Variants in WDR81 observed in about 807,000 individuals in gnomAD.
WDR81 encodes WD repeat-containing protein 81.
WDR81 carries 92 observed loss-of-function variants against 140.8 expected under a neutral mutation model. The observed-to-expected ratio is 0.65, with a 90% confidence interval of 0.55 to 0.78. The LOEUF is 0.78. WDR81 is among the 30% of genes least tolerant of loss of function. The probability of loss-of-function intolerance (pLI) is 0.00; values close to 1 mark genes in which losing one functional copy is unlikely to be tolerated. For missense variants in WDR81, 2,502 were observed against 2,636.4 expected (o/e 0.95, Z 1.12); for synonymous variants, 1,183 against 1,156.4 (o/e 1.02, Z -0.47).
At chr17:1,717,831 T>A (rs1192869540) in intron 1 of WDR81, among the ~76,000 whole-genome samples, 3 of 152,174 alleles carry the variant, frequency 2.0e-5, no homozygotes, top group Non-Finnish European at 4.4e-5. Flanking sequence ...TATTTCCTGT[T>A]AGCACAGTAA....
chr17:1,718,353 G>A (rs965461385), intron 1 of WDR81, among the ~76,000 whole-genome samples: 2 of 152,184 alleles, frequency 1.3e-5, no homozygotes, highest in Non-Finnish European at 2.9e-5. Context: ...CCTCACCTCA[G>A]GTGATCCACC....
intron 1 of WDR81, among the ~76,000 whole-genome samples, chr17:1,719,168 C>T (rs147221818): frequency 8.9e-4 from 136 of 152,286 alleles, no homozygotes; most frequent in Admixed American, 2.7e-3. Flanking sequence ...AACTTGTTAC[C>T]GATAATTTCC....
chr17:1,724,819 C>A lies in WDR81; in HGVS notation c.-141C>A. The A allele has an allele frequency of 1.7e-6, 2 of 1,203,408 alleles. No homozygotes were observed. The highest frequency in any genetic ancestry group is 8.3e-5 in the South Asian group (2 of 24,024). The allele number at this position is 1,203,408 out of a possible 1,614,324, so 74.5% of individuals were successfully genotyped here. ...CGCCCCCCGTCCGCCTCTTCGCCGC[C>A]GCCGGCTTCCTGCGGCCGCCTCCGC... On this transcript the variant is annotated 5_prime_UTR_variant, in exon 1 of 10. Transcript: ENST00000409644.
upstream of WDR81, among the ~76,000 whole-genome samples, chr17:1,722,672 GT>G (rs1208538689): frequency 2.1e-5 from 3 of 144,208 alleles, no homozygotes; most frequent in Non-Finnish European, 1.5e-5. Context: ...ATCAGGCCTA[GT>G]TTTCTTTTCT....
chr17:1,731,227 G>T lies in WDR81; in HGVS notation c.4126G>T (p.Val1376Leu). 3 of 1,613,578 alleles carry T rather than the reference G, an allele frequency of 1.9e-6. No homozygotes were observed. The highest frequency in any genetic ancestry group is 2.2e-5 in the East Asian group (1 of 44,884). ...GATCAGCCATGAGGTCCTGCTGCCC[G>T]TGCTCAGCTTCCTCACCTCCCTCGT... Reference protein sequence around the residue: ...PRISHEVLLPVLSFLTSLVTG... With the variant: ...PRISHEVLLPLLSFLTSLVTG... The change falls in exon 4 of 10, where the codon GTG becomes TTG. Residue 1376 changes from valine to leucine, a missense_variant. Coordinates refer to ENST00000409644, the MANE Select transcript of WDR81 (RefSeq NM_001163809.2).
chr17:1,736,656 T>TG (rs1458429076), intron 9 of WDR81, among the ~76,000 whole-genome samples: 5 of 152,176 alleles, frequency 3.3e-5, no homozygotes, highest in African/African-American at 4.8e-5. Context: ...CTGCCCTGGC[T>TG]GGGGGCAGGA....
upstream of WDR81, among the ~76,000 whole-genome samples, chr17:1,720,041 G>A (rs527851796): frequency 2.0e-4 from 30 of 151,502 alleles, no homozygotes; most frequent in Non-Finnish European, 1.0e-4. Context: ...AACACCTAGC[G>A]TAGATTTAAT....
upstream of WDR81, among the ~76,000 whole-genome samples, chr17:1,721,251 C>G (rs865896273): frequency 6.6e-6 from 1 of 151,956 alleles, no homozygotes; most frequent in East Asian, 1.9e-4. Context: ...CCCAGCTACT[C>G]GGGATGCTGA....
intron 5 of WDR81, 35 bp downstream of exon 5, chr17:1,732,525 C>T (rs769910198): frequency 1.3e-4 from 89 of 692,804 alleles, no homozygotes; most frequent in African/African-American, 1.2e-3. Context: ...CGGGCTGGGG[C>T]GGGGGCTGTG....
At chr17:1,719,329 C>CCT (rs1914742876) in intron 1 of WDR81, among the ~76,000 whole-genome samples, 1 of 151,904 alleles carries the variant, frequency 6.6e-6, no homozygotes. Flanking sequence ...AGGCGGATCA[C>CCT]GAGGTCAGGA....
chr17:1,727,292 T>C lies in WDR81; in HGVS notation c.2333T>C (p.Leu778Ser). 1 of 1,550,126 alleles carries C rather than the reference T, an allele frequency of 6.5e-7. No homozygotes were observed. Among genetic ancestry groups the C allele is most frequent in the Non-Finnish European group, 8.7e-7 (1 of 1,146,968 alleles). The change falls in exon 1 of 10, where the codon TTG (leucine) becomes TCG (serine). Residue 778 changes from leucine to serine, a missense_variant. By Grantham distance (145) the Leu-to-Ser change is moderately radical. Around this residue, in one of 3 missense-constraint regions of WDR81, gnomAD observed 1,737 missense variants for 1,843.0 expected, o/e 0.94. Coordinates refer to ENST00000409644, the MANE Select transcript of WDR81 (RefSeq NM_001163809.2). ...GACATGCAGGCGCTGGGTGTCCTATTGGCAGAGATGGTGTTTGCCACCAGG... is the reference window on the plus strand; with the variant it reads ...GACATGCAGGCGCTGGGTGTCCTATCGGCAGAGATGGTGTTTGCCACCAGG... ...HRDMQALGVL[L>S]AEMVFATRVR... is the part of the protein sequence containing the mutation.
chr17:1,726,074 G>A lies in WDR81; in HGVS notation c.1115G>A (p.Arg372Gln), dbSNP rs773768162. 8.4e-6 allele frequency: 13 copies of A among 1,547,628 alleles called. No homozygotes were observed. The highest frequency in any genetic ancestry group is 2.6e-6 in the Non-Finnish European group (3 of 1,145,086). The change falls in exon 1 of 10, where the codon CGG becomes CAG. Residue 372 changes from arginine (R) to glutamine (Q), a missense_variant. By Grantham distance (43) the Arg-to-Gln change is conservative. Transcript: ENST00000409644. Reference sequence around the variant, plus strand: ...ATGCAGCTGAATCGGTTGGCAGGTCGGCGGCAGGGGGACCCCAACTACCAC... The same window carrying A: ...ATGCAGCTGAATCGGTTGGCAGGTCAGCGGCAGGGGGACCCCAACTACCAC... ...YLMQLNRLAGRRQGDPNYHPV... is the reference protein window; with the variant it reads ...YLMQLNRLAGQRQGDPNYHPV...
intron 5 of WDR81, 78 bp from the exon 6 acceptor site, chr17:1,732,588 G>A: frequency 8.9e-6 from 14 of 1,571,066 alleles, no homozygotes; most frequent in Middle Eastern, 2.3e-4. Flanking sequence ...GCTGGACTCC[G>A]CGGGCCGTGG....
chr17:1,737,287 G>A (rs1001961306), intron 9 of WDR81, 78 bp from the exon 10 acceptor site: 4 of 1,410,868 alleles, frequency 2.8e-6, no homozygotes, highest in Non-Finnish European at 3.8e-6. Context: ...AACTGCGGAG[G>A]GAACTGGGAA....
chr17:1,734,562 C>T (rs571646165), intron 7 of WDR81, among the ~76,000 whole-genome samples: 189 of 151,648 alleles, frequency 1.2e-3, no homozygotes, highest in Non-Finnish European at 2.1e-3. Context: ...GGGTGGATCA[C>T]GAGGTCAGGA....
chr17:1,720,499 G>A (rs1914805329), upstream of WDR81, among the ~76,000 whole-genome samples: 1 of 152,140 alleles, frequency 6.6e-6, no homozygotes, highest in African/African-American at 2.4e-5. Context: ...CTAAAGGGCC[G>A]GGCATGGTGG....
Position 1,727,044 on chromosome 17 carries a change from C to T in WDR81, c.2085C>T (p.Ala695=), listed in dbSNP as rs1915327621. The T allele has an allele frequency of 6.5e-7, 1 of 1,550,264 alleles. No homozygotes were observed. The change falls in exon 1 of 10, where the codon GCC becomes GCT. Residue 695 remains alanine, a synonymous_variant. Coordinates refer to ENST00000409644, the MANE Select transcript of WDR81 (RefSeq NM_001163809.2). ...ASPGLLSFSV[A]SASRPGRRNK... is the part of the protein sequence containing the mutation. The stretch of plus-strand genomic sequence containing the variant: ...CTGGACTTCTCTCTTTCTCAGTGGC[C>T]TCAGCCTCCCGTCCAGGCCGCAGGA...
intron 4 of WDR81, among the ~76,000 whole-genome samples, chr17:1,731,814 G>A (rs910344387): frequency 6.6e-6 from 1 of 151,248 alleles, no homozygotes; most frequent in African/African-American, 2.4e-5. Context: ...GCAATCCCAG[G>A]TTCTCAGGAG....
In WDR81 at chr17:1,725,105, CG is replaced by C; in HGVS notation, c.152del (p.Gly51AlafsTer7). 6 of 1,509,906 alleles carry C rather than the reference CG, an allele frequency of 4.0e-6. No individual in the cohort carries two copies. Among genetic ancestry groups the C allele is most frequent in the Admixed American group, 2.1e-5 (1 of 48,186 alleles). The allele number at this position is 1,509,906 out of a possible 1,614,324, so 93.5% of individuals were successfully genotyped here. A position where few individuals can be genotyped will look rare whatever the true frequency, so the allele number is the denominator to read the frequency against. On this transcript the variant is annotated frameshift_variant, in exon 1 of 10. Transcript: ENST00000409644. LOFTEE classifies it high-confidence loss of function. ...GATCCCAGGCAGCTGGCTCCGGCCC[CG>C]GGGGGCACCCACGTGGTGGCCCTAG... ...SIDPRQLAPA[P>X]GGTHVVALVP...
Sources: allele counts gnomAD v4.1 joint callset (sites outside exome capture counted in the v4.1 genomes callset), GRCh38; gene constraint gnomAD v4.1.1; regional missense constraint gnomAD v4.1.1; transcripts MANE v1.5; gene names NCBI Gene and HGNC (gene_info 2026-07-23, HGNC 2026-07-21).